L3MBTL4: variants seen among roughly 807,000 people sequenced by gnomAD.
L3MBTL4 encodes L3MBTL histone methyl-lysine binding protein 4, also known as lethal(3)malignant brain tumor-like protein 4.
L3MBTL4 carries 70 observed loss-of-function variants against 84.5 expected under a neutral mutation model. That is an observed-to-expected ratio of 0.83 (90% CI 0.68 to 1.01). The LOEUF is 1.01. Ranked by LOEUF, L3MBTL4 falls within the 50% of genes least tolerant of loss-of-function variation. The probability of loss-of-function intolerance (pLI) is 0.00; values close to 1 mark genes in which losing one functional copy is unlikely to be tolerated. For missense variants in L3MBTL4, 715 were observed against 754.8 expected, an observed-to-expected ratio of 0.95 and a Z score of 0.62; for synonymous variants, 274 against 259.8, an observed-to-expected ratio of 1.05 and a Z score of -0.52.
intron 15 of L3MBTL4, among the ~76,000 whole-genome samples, chr18:6,091,673 A>G (rs1256412221): frequency 2.0e-5 from 3 of 152,244 alleles, no homozygotes; most frequent in African/African-American, 4.8e-5. Context: ...GGGAGGCAAC[A>G]TATCTGTGTT....
In L3MBTL4 at chr18:6,263,978, G is replaced by A; in HGVS notation, c.188C>T (p.Ala63Val). The A allele has an allele frequency of 8.7e-6, 14 of 1,613,988 alleles. No individual in the cohort carries two copies. The highest frequency in any genetic ancestry group is 1.7e-5 in the Admixed American group (1 of 60,032). ...AAACAGCTCAACAGGTGCTGCGACA[G>A]CCTTCTGTTCTTTCAAGTACCACTC... ...SWEWYLKEQK[A>V]VAAPVELFSK... The change falls in exon 5 of 19, where the codon GCT (alanine) becomes GTT (valine). Residue 63 changes from alanine (A) to valine (V), a missense_variant. Physicochemically the swap from Ala to Val is moderately conservative, Grantham distance 64. Coordinates refer to ENST00000317931, the MANE Select transcript of L3MBTL4 (RefSeq NM_001330559.2).
In L3MBTL4 at chr18:6,255,915, A is replaced by G. The variant is rs926490683; in HGVS notation, c.219+8032T>C. Among the ~76,000 whole-genome samples, 4 of 152,234 alleles carry G rather than the reference A, an allele frequency of 2.6e-5. No homozygotes were observed. In the South Asian group the frequency reaches 6.2e-4, roughly 24 times the overall value. ...TTTCACTGCATTTTATAAAAGTACTAAAAAGCCAGACATGGTCATCATTTG... is the reference window on the plus strand; with the variant it reads ...TTTCACTGCATTTTATAAAAGTACTGAAAAGCCAGACATGGTCATCATTTG... On this transcript the variant is annotated intron_variant, in intron 5 of 18. Transcript: ENST00000317931.
chr18:6,156,553 T>C (rs982607539), intron 13 of L3MBTL4, among the ~76,000 whole-genome samples: 10 of 152,296 alleles, frequency 6.6e-5, no homozygotes, highest in African/African-American at 2.4e-4. Context: ...AAGGCATCAT[T>C]GTCTTCTGAA....
At position 6,213,133 on chromosome 18, in the gene L3MBTL4, A is replaced by C; in HGVS notation, c.981+16T>G. 3.6e-6 allele frequency: 5 copies of C among 1,386,582 alleles called. No homozygotes were observed. Among genetic ancestry groups the C allele is most frequent in the Non-Finnish European group, 5.0e-6 (5 of 1,004,960 alleles). The allele number at this position is 1,386,582 out of a possible 1,614,324, so 85.9% of individuals were successfully genotyped here. A position where few individuals can be genotyped will look rare whatever the true frequency, so the allele number is the denominator to read the frequency against. Reference sequence around the variant, plus strand: ...AAAAATATTGATATAATAACATAATAATTTAAAATATGTACCTTTACTCTT... The same window carrying C: ...AAAAATATTGATATAATAACATAATCATTTAAAATATGTACCTTTACTCTT... On this transcript the variant is annotated intron_variant, in intron 12 of 18. Coordinates refer to ENST00000317931, the MANE Select transcript of L3MBTL4 (RefSeq NM_001330559.2).
At chr18:5,986,075 T>C (rs1309206899) in intron 16 of L3MBTL4, among the ~76,000 whole-genome samples, 1 of 152,048 alleles carries the variant, frequency 6.6e-6, no homozygotes, top group African/African-American at 2.4e-5. Context: ...TCCACAAAAA[T>C]TGTATTGGTG....
chr18:6,105,572 G>A (rs1013120851), intron 14 of L3MBTL4, among the ~76,000 whole-genome samples: 2 of 151,162 alleles, frequency 1.3e-5, no homozygotes, highest in African/African-American at 4.8e-5. Flanking sequence ...GCCAAGGCAG[G>A]CAGATCTCCT....
chr18:6,380,978 T>C (rs1019279603), intron 1 of L3MBTL4, among the ~76,000 whole-genome samples: 1 of 152,296 alleles, frequency 6.6e-6, no homozygotes, highest in African/African-American at 2.4e-5. Flanking sequence ...CTCTAAGAAC[T>C]TGCTTTATGC....
intron 1 of L3MBTL4, among the ~76,000 whole-genome samples, chr18:6,384,971 G>T (rs930533352): frequency 6.6e-6 from 1 of 152,200 alleles, no homozygotes. Context: ...GGAGTGACAG[G>T]TCTTCCTTTG....
intron 3 of L3MBTL4, among the ~76,000 whole-genome samples, chr18:6,309,123 G>A (rs2050719012): frequency 6.6e-6 from 1 of 152,048 alleles, no homozygotes; most frequent in Admixed American, 6.6e-5. Flanking sequence ...TCTGCCAATG[G>A]GATGTTATTT....
intron 17 of L3MBTL4, among the ~76,000 whole-genome samples, chr18:5,963,579 G>T (rs528145532): frequency 2.0e-5 from 3 of 152,290 alleles, no homozygotes; most frequent in African/African-American, 7.2e-5. Context: ...ATTTGATTCG[G>T]CCTATCTGTC....
intron 4 of L3MBTL4, among the ~76,000 whole-genome samples, chr18:6,274,855 G>T (rs1032170589): frequency 2.0e-5 from 3 of 152,178 alleles, no homozygotes; most frequent in African/African-American, 7.2e-5. Context: ...GGAGCAGAAA[G>T]AATGCAGAGA....
chr18:6,307,623 C>A (rs2050651128), intron 3 of L3MBTL4, among the ~76,000 whole-genome samples: 3 of 152,120 alleles, frequency 2.0e-5, no homozygotes, highest in Admixed American at 6.6e-5. Context: ...CCTTAGAGCA[C>A]AAATGGGCTA....
chr18:6,190,684 G>A (rs1366751718), intron 12 of L3MBTL4, among the ~76,000 whole-genome samples: 1 of 152,136 alleles, frequency 6.6e-6, no homozygotes, highest in Non-Finnish European at 1.5e-5. Context: ...TTCTAGTAGG[G>A]ATAATCAAAT....
chr18:6,135,865 T>C (rs1009703513), intron 14 of L3MBTL4, among the ~76,000 whole-genome samples: 5 of 152,324 alleles, frequency 3.3e-5, no homozygotes, highest in Admixed American at 3.3e-4. Flanking sequence ...TTCAGCAGTG[T>C]CCCACTCTAA....
intron 16 of L3MBTL4, chr18:6,032,403 C>T: frequency 1.5e-6 from 1 of 652,532 alleles, no homozygotes; most frequent in Non-Finnish European, 1.9e-6. Context: ...CACACACACA[C>T]ACACACACAC....
chr18:6,163,139 T>C (rs1190838505), intron 13 of L3MBTL4, among the ~76,000 whole-genome samples: 1 of 151,454 alleles, frequency 6.6e-6, no homozygotes, highest in Non-Finnish European at 1.5e-5. Flanking sequence ...TTTGTTAGAG[T>C]GCCTGGAGCA....
chr18:5,997,752 G>T (rs1387805359), intron 16 of L3MBTL4, among the ~76,000 whole-genome samples: 1 of 152,108 alleles, frequency 6.6e-6, no homozygotes, highest in Non-Finnish European at 1.5e-5. Flanking sequence ...ACCTCCTGAG[G>T]CTGTGTCACC....
intron 1 of L3MBTL4, among the ~76,000 whole-genome samples, chr18:6,327,918 T>C (rs760256581): frequency 1.3e-5 from 2 of 152,238 alleles, no homozygotes; most frequent in Non-Finnish European, 2.9e-5. Context: ...GTAACCACGT[T>C]ATGTACTCCC....
At chr18:6,085,277 C>T (rs1399269918) in intron 15 of L3MBTL4, among the ~76,000 whole-genome samples, 1 of 152,146 alleles carries the variant, frequency 6.6e-6, no homozygotes, top group East Asian at 1.9e-4. Flanking sequence ...GGTATGCCTA[C>T]ACCATGGAAT....
Sources: gnomAD v4.1 joint callset for allele counts (sites outside exome capture counted in the v4.1 genomes callset) on GRCh38, gnomAD v4.1.1 for gene constraint, MANE v1.5 for transcripts, NCBI Gene and HGNC (gene_info 2026-07-23, HGNC 2026-07-21) for gene names.